ERC2: variants seen among roughly 807,000 people sequenced by gnomAD.
The protein encoded by ERC2 is ELKS/RAB6-interacting/CAST family member 2, also known as ERC protein 2.
In ERC2, 42 loss-of-function variants were observed where a neutral mutation model predicts 114.8. That is an observed-to-expected ratio of 0.37 (90% CI 0.29 to 0.47). The LOEUF is 0.47. ERC2 is among the 20% of genes least tolerant of loss of function. ERC2 has a pLI of 0.99. For synonymous variants in ERC2, 454 were observed against 425.5 expected, an observed-to-expected ratio of 1.07 and a Z score of -0.82; for missense variants, 939 against 1,150.7, an observed-to-expected ratio of 0.82 and a Z score of 2.66.
intron 1 of ERC2, among the ~76,000 whole-genome samples, chr3:56,437,990 G>T (rs1368378725): frequency 6.6e-6 from 1 of 152,160 alleles, no homozygotes; most frequent in Non-Finnish European, 1.5e-5. Context: ...TACCAGTGGT[G>T]GAATTCCAAG....
chr3:56,009,567 G>A (rs1222659235), intron 9 of ERC2, among the ~76,000 whole-genome samples: 2 of 152,164 alleles, frequency 1.3e-5, no homozygotes, highest in African/African-American at 4.8e-5. Context: ...GTACCGTCCA[G>A]CAGGGTGAAA....
intron 12 of ERC2, among the ~76,000 whole-genome samples, chr3:55,966,836 G>A (rs549914096): frequency 4.5e-4 from 68 of 152,284 alleles, no homozygotes; most frequent in Non-Finnish European, 9.3e-4. Flanking sequence ...ACCATGGGCT[G>A]TTCCAAGTGC....
intron 15 of ERC2, among the ~76,000 whole-genome samples, chr3:55,720,148 CTTCTTCTTCTTCTTCTTCTTCTTCT>C (rs1559547117): frequency 0.075 from 225 of 2,982 alleles, 83 homozygotes; most frequent in East Asian, 0.16. Flanking sequence ...TCTTCCTCTT[CTTCTTCTTCTTCTTCTTCTTCTTCT>C]TCTTCTTCTT....
At chr3:55,835,360 A>C (rs1346268882) in intron 14 of ERC2, among the ~76,000 whole-genome samples, 1 of 152,224 alleles carries the variant, frequency 6.6e-6, no homozygotes, top group Non-Finnish European at 1.5e-5. Context: ...TCAATGAAAT[A>C]CTGGCAAACT....
intron 10 of ERC2, among the ~76,000 whole-genome samples, chr3:55,996,292 G>A (rs571617262): frequency 2.9e-4 from 44 of 152,272 alleles, no homozygotes; most frequent in Middle Eastern, 3.4e-3. Context: ...ACACAAATTG[G>A]TGTGAGTTTT....
intron 14 of ERC2, among the ~76,000 whole-genome samples, chr3:55,840,070 A>G (rs2061064487): frequency 6.6e-6 from 1 of 152,032 alleles, no homozygotes; most frequent in Admixed American, 6.6e-5. Context: ...ATTTCCAAAT[A>G]AAGAATATTA....
At chr3:56,275,276 C>T (rs777004264) in intron 3 of ERC2, among the ~76,000 whole-genome samples, 26 of 152,188 alleles carry the variant, frequency 1.7e-4, no homozygotes, top group Non-Finnish European at 3.5e-4. Context: ...TGCTTTTCCT[C>T]ACCCTCTGAT....
At chr3:56,294,872 C>T (rs905398114) in intron 3 of ERC2, among the ~76,000 whole-genome samples, 1 of 152,234 alleles carries the variant, frequency 6.6e-6, no homozygotes, top group Admixed American at 6.5e-5. Context: ...TGAAACCAAG[C>T]CATGTGGTTT....
chr3:55,693,995 C>T lies in ERC2; in HGVS notation c.2847+5383G>A, dbSNP rs998118779. ...ATGTGTTGGGATTACAGGTGTGAGT[C>T]ACTGCGCCCGGCAAAGATGACATTT... On this transcript the variant is annotated intron_variant, in intron 16 of 17. Coordinates refer to ENST00000288221, the MANE Select transcript of ERC2 (RefSeq NM_015576.3). Among the ~76,000 whole-genome samples, 15 of 152,294 alleles carry T rather than the reference C, an allele frequency of 9.8e-5. No homozygotes were observed. In the East Asian group the frequency reaches 2.9e-3, roughly 29 times the overall value.
rs1007314794 is a variant in ERC2 at position 56,253,393 on chromosome 3, C to T, written c.1074+42626G>A. Among the ~76,000 whole-genome samples the T allele has an allele frequency of 1.9e-4, 29 of 152,132 alleles. 1 individual carries two copies. The highest frequency in any genetic ancestry group is 5.9e-5 in the Non-Finnish European group (4 of 67,994). On this transcript the variant is annotated intron_variant, in intron 3 of 17. Coordinates refer to ENST00000288221, the MANE Select transcript of ERC2 (RefSeq NM_015576.3). ...AAACTGTTTAAGAAAACTTACTTTT[C>T]TTTTTCTAAAAAAGGGAGGAATTGC...
rs531655593 is a variant in ERC2 at position 55,954,485 on chromosome 3, C to T, written c.2268-3925G>A. Among the ~76,000 whole-genome samples the T allele has an allele frequency of 3.3e-5, 5 of 152,320 alleles. No homozygotes were observed. In the South Asian group the frequency reaches 6.2e-4, roughly 19 times the overall value. Reference sequence around the variant, plus strand: ...AACTTGCTGGTGAGAACGTGTCAGACTCTGAGACCTCTAGAATTACATAGC... The same window carrying T: ...AACTTGCTGGTGAGAACGTGTCAGATTCTGAGACCTCTAGAATTACATAGC... On this transcript the variant is annotated intron_variant, in intron 12 of 17. Coordinates refer to ENST00000288221, the MANE Select transcript of ERC2 (RefSeq NM_015576.3).
intron 7 of ERC2, among the ~76,000 whole-genome samples, chr3:56,069,486 T>C (rs991965682): frequency 6.6e-6 from 1 of 152,182 alleles, no homozygotes; most frequent in Non-Finnish European, 1.5e-5. Flanking sequence ...GGCTGGGGTC[T>C]CTGCCTGGGG....
intron 14 of ERC2, among the ~76,000 whole-genome samples, chr3:55,758,311 G>A (rs1024580055): frequency 1.3e-5 from 2 of 152,180 alleles, no homozygotes; most frequent in African/African-American, 4.8e-5. Context: ...GGGCTAAGCC[G>A]AATCATGAGA....
At position 56,422,641 on chromosome 3, in the gene ERC2, T is replaced by C. The variant is rs72875318; in HGVS notation, c.657+11710A>G. On this transcript the variant is annotated intron_variant, in intron 2 of 17. Coordinates refer to ENST00000288221, the MANE Select transcript of ERC2 (RefSeq NM_015576.3). ...ACACATTGCTTACTCCACTCTATCT[T>C]AGAGCTTCCATTTCAGCCCCAGATT... 7.3e-3 allele frequency among the ~76,000 whole-genome samples: 1,107 copies of C among 152,306 alleles called. 16 individuals carry two copies. Among genetic ancestry groups the C allele is most frequent in the African/African-American group, 0.026 (1,063 of 41,564 alleles).
At chr3:55,649,638 A>G (rs2060532473) in intron 17 of ERC2, among the ~76,000 whole-genome samples, 1 of 152,190 alleles carries the variant, frequency 6.6e-6, no homozygotes, top group African/African-American at 2.4e-5. Flanking sequence ...TGCAGGGTGA[A>G]GAAGATGAGA....
chr3:56,432,852 G>A (rs753209806), intron 2 of ERC2, among the ~76,000 whole-genome samples: 14 of 152,266 alleles, frequency 9.2e-5, no homozygotes, highest in East Asian at 1.9e-4. Context: ...TTTGAGCCAC[G>A]TGGTATCACA....
At chr3:55,926,804 T>C (rs1478026913) in intron 13 of ERC2, among the ~76,000 whole-genome samples, 1 of 152,194 alleles carries the variant, frequency 6.6e-6, no homozygotes, top group African/African-American at 2.4e-5. Flanking sequence ...TTCAGGTCTC[T>C]GTGGCTGGAA....
At position 55,845,419 on chromosome 3, in the gene ERC2, C is replaced by G. The variant is rs370099667; in HGVS notation, c.2564+42970G>C. ...CTTGGGAGGCTGAGGCAGGAGAATG[C>G]CGTGAACCCGGGAGGCGGAGCTTGC... On this transcript the variant is annotated intron_variant, in intron 14 of 17. Coordinates refer to ENST00000288221, the MANE Select transcript of ERC2 (RefSeq NM_015576.3). Among the ~76,000 whole-genome samples, 1,419 of 145,994 alleles carry G rather than the reference C, an allele frequency of 9.7e-3. 18 individuals are homozygous for G. The highest frequency in any genetic ancestry group is 0.034 in the African/African-American group (1,317 of 38,620).
chr3:55,906,635 G>A (rs2064470299), intron 13 of ERC2, among the ~76,000 whole-genome samples: 1 of 152,134 alleles, frequency 6.6e-6, no homozygotes, highest in Admixed American at 6.5e-5. Context: ...GCATGTTCAA[G>A]TTCCAGAACT....
Sources: gnomAD v4.1 joint callset for allele counts (sites outside exome capture counted in the v4.1 genomes callset) on GRCh38, gnomAD v4.1.1 for gene constraint, MANE v1.5 for transcripts, NCBI Gene and HGNC (gene_info 2026-07-23, HGNC 2026-07-21) for gene names.